PLCB1: variants seen among roughly 807,000 people sequenced by gnomAD.
PLCB1 encodes the protein phospholipase C beta 1.
PLCB1 carries 46 observed loss-of-function variants against 161.8 expected under a neutral mutation model. That is an observed-to-expected ratio of 0.28 (90% CI 0.22 to 0.36). The LOEUF is 0.36. Among genes scored for constraint, PLCB1 ranks in the 10% least tolerant of loss-of-function variants. The pLI is 1.00. For synonymous variants in PLCB1, 517 were observed against 503.7 expected, an observed-to-expected ratio of 1.03 and a Z score of -0.35; for missense variants, 1,016 against 1,472.5, an observed-to-expected ratio of 0.69 and a Z score of 5.07.
chr20:8,361,289 G>T (rs1393933896), intron 2 of PLCB1, among the ~76,000 whole-genome samples: 1 of 152,098 alleles, frequency 6.6e-6, no homozygotes, highest in Non-Finnish European at 1.5e-5. Flanking sequence ...ATTGCTCTTA[G>T]AATTCTGATG....
chr20:8,727,011 C>T (rs2123487116), intron 16 of PLCB1, among the ~76,000 whole-genome samples: 1 of 152,064 alleles, frequency 6.6e-6, no homozygotes, highest in East Asian at 1.9e-4. Flanking sequence ...GCTCTTTTGA[C>T]AAATTTTTTT....
At chr20:8,771,386 T>A (rs927463677) in intron 26 of PLCB1, among the ~76,000 whole-genome samples, 3 of 152,128 alleles carry the variant, frequency 2.0e-5, no homozygotes, top group Non-Finnish European at 4.4e-5. Flanking sequence ...TCTCATTCTG[T>A]TTCTACCAGA....
chr20:8,802,061 A>C (rs1453415926), intron 31 of PLCB1: 2 of 1,588,274 alleles, frequency 1.3e-6, no homozygotes, highest in Non-Finnish European at 1.7e-6. Context: ...CACAGGGGGA[A>C]GGTTCCTCCT....
At chr20:8,429,309 C>G (rs998046034) in intron 3 of PLCB1, among the ~76,000 whole-genome samples, 1 of 152,176 alleles carries the variant, frequency 6.6e-6, no homozygotes, top group Non-Finnish European at 1.5e-5. Flanking sequence ...TGAAATAACT[C>G]ATGTTGGAAA....
At position 8,747,313 on chromosome 20, in the gene PLCB1, G is replaced by A. The variant is rs78778136; in HGVS notation, c.2523+5740G>A. 7.9e-3 allele frequency among the ~76,000 whole-genome samples: 1,201 copies of A among 152,258 alleles called. 15 individuals carry two copies. The highest frequency in any genetic ancestry group is 0.025 in the African/African-American group (1,021 of 41,550). On this transcript the variant is annotated intron_variant, in intron 23 of 31. Coordinates refer to ENST00000338037, the MANE Select transcript of PLCB1 (RefSeq NM_015192.4). The stretch of plus-strand genomic sequence containing the variant: ...ACATATCCCTCAACTTGGAAGTTAC[G>A]AAAGCTGTATTCATTTGCCAAGCAT...
intron 3 of PLCB1, among the ~76,000 whole-genome samples, chr20:8,592,469 C>A (rs1455390716): frequency 6.6e-6 from 1 of 152,254 alleles, no homozygotes; most frequent in African/African-American, 2.4e-5. Context: ...CATGGGGAAC[C>A]TATTGTTGGC....
chr20:8,740,444 T>C lies in PLCB1; in HGVS notation c.2409T>C (p.Tyr803=), dbSNP rs1326813317. 6.4e-7 allele frequency: 1 copy of C among 1,551,862 alleles called. No homozygotes were observed. Residue 803 remains tyrosine (Y), a synonymous_variant, in exon 22 of 32, where the codon TAT becomes TAC. Transcript: ENST00000338037. ...TGAAAGACTATGTGCCAGACACATATGCAGGTAAACAACTTAACTCAAATA... is the reference window on the plus strand; with the variant it reads ...TGAAAGACTATGTGCCAGACACATACGCAGGTAAACAACTTAACTCAAATA... The part of the protein sequence containing the change: ...IEVKDYVPDT[Y]ADVIEALSNP...
At position 8,883,964 on chromosome 20, in the gene PLCB1, A is replaced by G. The variant is rs963916009; in HGVS notation, c.*2115A>G. The G allele has an allele frequency of 1.3e-5, 2 of 152,532 alleles. No individual in the cohort carries two copies. The highest frequency in any genetic ancestry group is 4.8e-5 in the African/African-American group (2 of 41,470). 9.4% of individuals were successfully genotyped at this position (152,532 alleles called of 1,614,324 possible). On this transcript the variant is annotated 3_prime_UTR_variant, in exon 32 of 32. Coordinates refer to ENST00000338037, the MANE Select transcript of PLCB1 (RefSeq NM_015192.4). The stretch of plus-strand genomic sequence containing the variant: ...GAAATTGAAGAAGAATGAACTAATA[A>G]TAGCATTCATAACCAAACACAATGA...
chr20:8,449,420 T>C (rs1980975119), intron 3 of PLCB1, among the ~76,000 whole-genome samples: 1 of 152,178 alleles, frequency 6.6e-6, no homozygotes. Flanking sequence ...TGCCTATCGC[T>C]AGTGTCCCGC....
At chr20:8,154,676 C>T (rs534125273) in intron 2 of PLCB1, among the ~76,000 whole-genome samples, 2 of 152,204 alleles carry the variant, frequency 1.3e-5, no homozygotes, top group African/African-American at 4.8e-5. Context: ...CTGTCGTTGC[C>T]TGATTTGCTA....
chr20:8,275,095 G>C (rs1178865109), intron 2 of PLCB1, among the ~76,000 whole-genome samples: 2 of 152,032 alleles, frequency 1.3e-5, no homozygotes, highest in Admixed American at 6.6e-5. Flanking sequence ...TTTTTGGTTT[G>C]AGAGCTGAAT....
At chr20:8,635,826 T>C (rs1420752421) in intron 4 of PLCB1, among the ~76,000 whole-genome samples, 1 of 152,168 alleles carries the variant, frequency 6.6e-6, no homozygotes, top group Non-Finnish European at 1.5e-5. Flanking sequence ...CTCCGGGCCA[T>C]TCATCAAAAA....
At chr20:8,592,687 C>T (rs1422787379) in intron 3 of PLCB1, among the ~76,000 whole-genome samples, 2 of 152,190 alleles carry the variant, frequency 1.3e-5, no homozygotes, top group South Asian at 2.1e-4. Flanking sequence ...GAATTTTCCA[C>T]TGTGGCATCA....
At chr20:8,260,010 G>A (rs540316931) in intron 2 of PLCB1, among the ~76,000 whole-genome samples, 42 of 152,190 alleles carry the variant, frequency 2.8e-4, no homozygotes, top group African/African-American at 9.6e-4. Context: ...ATCTGGATGT[G>A]AAAATAGGAC....
At chr20:8,457,214 T>A (rs1231512609) in intron 3 of PLCB1, among the ~76,000 whole-genome samples, 2 of 152,188 alleles carry the variant, frequency 1.3e-5, no homozygotes, top group Non-Finnish European at 2.9e-5. Context: ...GTCCCCTCTC[T>A]ACCTGGGACA....
intron 2 of PLCB1, among the ~76,000 whole-genome samples, chr20:8,171,526 C>G (rs1327559456): frequency 1.3e-5 from 2 of 152,044 alleles, no homozygotes; most frequent in Admixed American, 6.6e-5. Flanking sequence ...AGCTCTATCC[C>G]TTGTGAGCTG....
intron 3 of PLCB1, among the ~76,000 whole-genome samples, chr20:8,382,303 G>C (rs1189748897): frequency 7.6e-6 from 1 of 131,070 alleles, no homozygotes; most frequent in African/African-American, 2.8e-5. Flanking sequence ...TTTTTTTTGA[G>C]ATGGAGTCTT....
chr20:8,790,370 T>A (rs971408616), intron 31 of PLCB1, 109 bp downstream of exon 31: 10 of 733,128 alleles, frequency 1.4e-5, no homozygotes, highest in Non-Finnish European at 2.3e-5. Flanking sequence ...TCAGATCAGT[T>A]CTTGCATATG....
chr20:8,410,259 C>T (rs898554994), intron 3 of PLCB1, among the ~76,000 whole-genome samples: 2 of 152,102 alleles, frequency 1.3e-5, no homozygotes. Flanking sequence ...CTTTCAACAT[C>T]CTAACACATG....
Sources: allele counts gnomAD v4.1 joint callset (sites outside exome capture counted in the v4.1 genomes callset), GRCh38; gene constraint gnomAD v4.1.1; transcripts MANE v1.5; gene names NCBI Gene and HGNC (gene_info 2026-07-23, HGNC 2026-07-21).